ZYG11A: variants seen among roughly 807,000 people sequenced by gnomAD.
The protein encoded by ZYG11A is zyg-11 family member A, cell cycle regulator, also known as protein zyg-11 homolog A.
A neutral mutation model predicts 77.2 loss-of-function variants in ZYG11A; 62 were observed. The observed-to-expected ratio is 0.80, with a 90% CI of 0.65 to 0.99. The LOEUF (loss-of-function observed/expected upper bound fraction) is 0.99. ZYG11A is among the 50% of genes least tolerant of loss of function. The probability of loss-of-function intolerance (pLI) is 0.00; values close to 1 mark genes in which losing one functional copy is unlikely to be tolerated. For synonymous variants in ZYG11A, 315 were observed against 324.6 expected, an observed-to-expected ratio of 0.97 and a Z score of 0.32; for missense variants, 828 against 896.8, an observed-to-expected ratio of 0.92 and a Z score of 0.98.
In ZYG11A at chr1:52,881,646, G is replaced by T. The variant is rs151096222; in HGVS notation, c.1925G>T (p.Arg642Leu). ...TGGATATCCCGTGACTTCCAGAGGC[G>T]TACTCTTCTCCAAGATCTGGTACAG... ...QLWISRDFQR[R>L]TLLQDLHATI... The change falls in exon 11 of 14, where the codon CGT (arginine) becomes CTT (leucine). Residue 642 changes from arginine to leucine, a missense_variant. Physicochemically the swap from Arg to Leu is moderately radical, Grantham distance 102. Transcript: ENST00000371528. 124 of 1,551,010 alleles carry T rather than the reference G, an allele frequency of 8.0e-5. No homozygotes were observed. Among genetic ancestry groups the T allele is most frequent in the Non-Finnish European group, 1.0e-4 (119 of 1,146,636 alleles).
In ZYG11A at chr1:52,863,975, C is replaced by T. The variant is rs1258123483; in HGVS notation, c.1150-6C>T. ...TCATATGCACTAAAAACAAGTTCATCTTCAGCTTGTGGCTATAGGAATGAG... is the reference window on the plus strand; with the variant it reads ...TCATATGCACTAAAAACAAGTTCATTTTCAGCTTGTGGCTATAGGAATGAG... On this transcript the variant is annotated splice_region_variant and splice_polypyrimidine_tract_variant and intron_variant, in intron 4 of 13. Coordinates refer to ENST00000371528, the MANE Select transcript of ZYG11A (RefSeq NM_001004339.3). 6.5e-7 allele frequency: 1 copy of T among 1,546,458 alleles called. No homozygotes were observed. The highest frequency in any genetic ancestry group is 2.0e-5 in the Admixed American group (1 of 50,312).
intron 8 of ZYG11A, among the ~76,000 whole-genome samples, chr1:52,873,628 CTTA>C (rs1646208683): frequency 1.3e-5 from 2 of 152,300 alleles, no homozygotes; most frequent in South Asian, 2.1e-4. Flanking sequence ...AGGACTTTGA[CTTA>C]TTATATAAAC....
Position 52,856,999 on chromosome 1 carries a change from C to G in ZYG11A, c.258C>G (p.Gly86=), listed in dbSNP as rs1442712054. Residue 86 remains glycine, a splice_region_variant and synonymous_variant, in exon 3 of 14, where the codon GGC becomes GGG. Coordinates refer to ENST00000371528, the MANE Select transcript of ZYG11A (RefSeq NM_001004339.3). ...ERFLRVMTWQ[G]KLTDRTASIF... ...AAGTTGGTTCTGGTTCTTTCATAGG[C>G]AAGCTGACTGACAGAACAGCCAGCA... 6.5e-7 allele frequency: 1 copy of G among 1,530,810 alleles called. No homozygotes were observed. The highest frequency in any genetic ancestry group is 8.8e-7 in the Non-Finnish European group (1 of 1,134,634). 94.8% of individuals were successfully genotyped at this position (1,530,810 alleles called of 1,614,324 possible).
rs1300877581 is a variant in ZYG11A at position 52,854,566 on chromosome 1, T to TC, written c.194dup (p.Glu66GlyfsTer25). On this transcript the variant is annotated frameshift_variant, in exon 2 of 14. Coordinates refer to ENST00000371528, the MANE Select transcript of ZYG11A (RefSeq NM_001004339.3). LOFTEE classifies it high-confidence loss of function. ...AAAGACCTGATGGAACACTGTGCCT[T>TC]CCGGAGCATTGGAGTTTCCCTCAGG... 1 of 1,550,680 alleles carries TC rather than the reference T, an allele frequency of 6.4e-7. No homozygotes were observed. The highest frequency in any genetic ancestry group is 8.7e-7 in the Non-Finnish European group (1 of 1,146,238).
chr1:52,892,903 C>G lies in ZYG11A; in HGVS notation c.2226C>G (p.Phe742Leu), dbSNP rs1646570507. Reference protein sequence around the residue: ...QQIAASILDDFRMHFMNYQRP... With the variant: ...QQIAASILDDLRMHFMNYQRP... The stretch of plus-strand genomic sequence containing the variant: ...TTGCAGCCTCCATTCTGGATGACTT[C>G]AGAATGCATTTCATGAATTATCAGA... The change falls in exon 14 of 14, where the codon TTC becomes TTG. Residue 742 changes from phenylalanine (F) to leucine (L), a missense_variant. By Grantham distance (22) the Phe-to-Leu change is conservative (BLOSUM62 0). Coordinates refer to ENST00000371528, the MANE Select transcript of ZYG11A (RefSeq NM_001004339.3). The G allele has an allele frequency of 6.4e-7, 1 of 1,551,742 alleles. No homozygotes were observed.
chr1:52,873,992 A>T lies in ZYG11A; in HGVS notation c.1543-3690A>T, dbSNP rs141876945. On this transcript the variant is annotated intron_variant, in intron 8 of 13. Transcript: ENST00000371528. Reference sequence around the variant, plus strand: ...AGAGTGAAACTCCGTCTCAAAAAAAAAAATAAATAAATAAAATAAAAAGAG... The same window carrying T: ...AGAGTGAAACTCCGTCTCAAAAAAATAAATAAATAAATAAAATAAAAAGAG... Among the ~76,000 whole-genome samples, 1,477 of 152,032 alleles carry T rather than the reference A, an allele frequency of 9.7e-3. 22 individuals carry two copies. Among genetic ancestry groups the T allele is most frequent in the African/African-American group, 0.032 (1,326 of 41,512 alleles).
intron 11 of ZYG11A, among the ~76,000 whole-genome samples, chr1:52,882,761 A>G (rs547603106): frequency 6.6e-6 from 1 of 152,286 alleles, no homozygotes; most frequent in Admixed American, 6.5e-5. Flanking sequence ...ATTTTCTTTT[A>G]AGCTTTAAGG....
intron 1 of ZYG11A, among the ~76,000 whole-genome samples, chr1:52,843,597 T>G (rs1645497971): frequency 6.6e-6 from 1 of 152,208 alleles, no homozygotes; most frequent in Non-Finnish European, 1.5e-5. Flanking sequence ...GCCGAATGCC[T>G]GTTACTCTTA....
At chr1:52,872,523 A>T (rs1646185360) in intron 8 of ZYG11A, among the ~76,000 whole-genome samples, 1 of 152,086 alleles carries the variant, frequency 6.6e-6, no homozygotes, top group Non-Finnish European at 1.5e-5. Flanking sequence ...TCCATTCTGC[A>T]GCCCATAGAT....
At chr1:52,877,409 A>T (rs559783116) in intron 8 of ZYG11A, among the ~76,000 whole-genome samples, 1 of 152,328 alleles carries the variant, frequency 6.6e-6, no homozygotes, top group East Asian at 1.9e-4. Context: ...CTAAATAAAA[A>T]TAATGGAATA....
intron 1 of ZYG11A, among the ~76,000 whole-genome samples, chr1:52,849,751 C>T (rs1234184877): frequency 6.6e-6 from 1 of 151,046 alleles, no homozygotes; most frequent in African/African-American, 2.4e-5. Flanking sequence ...GGCGCGATCT[C>T]GGCTCACTGC....
At chr1:52,892,469 A>C (rs936819033) in intron 13 of ZYG11A, among the ~76,000 whole-genome samples, 1 of 151,756 alleles carries the variant, frequency 6.6e-6, no homozygotes, top group African/African-American at 2.4e-5. Flanking sequence ...TGGAGGTTGC[A>C]GTGAACCGAG....
At chr1:52,881,036 A>G (rs924763346) in intron 10 of ZYG11A, among the ~76,000 whole-genome samples, 9 of 152,196 alleles carry the variant, frequency 5.9e-5, no homozygotes, top group African/African-American at 9.7e-5. Flanking sequence ...CCTGACTTTC[A>G]TTGTTGTTGT....
At chr1:52,866,884 A>G (rs1646037042) in intron 6 of ZYG11A, among the ~76,000 whole-genome samples, 1 of 152,226 alleles carries the variant, frequency 6.6e-6, no homozygotes, top group Non-Finnish European at 1.5e-5. Context: ...TAGTGTCTGT[A>G]AAGTACTTAA....
At position 52,864,003 on chromosome 1, in the gene ZYG11A, A is replaced by C; in HGVS notation, c.1172A>C (p.Asn391Thr). 1 of 1,551,352 alleles carries C rather than the reference A, an allele frequency of 6.4e-7. No individual in the cohort carries two copies. Among genetic ancestry groups the C allele is most frequent in the Admixed American group, 2.0e-5 (1 of 50,892 alleles). ...ILKLVAIGMR[N>T]HPLDLRVQFT... is the part of the protein sequence containing the mutation. ...CAGCTTGTGGCTATAGGAATGAGGAATCACCCATTGGATTTGCGAGTGCAG... is the reference window on the plus strand; with the variant it reads ...CAGCTTGTGGCTATAGGAATGAGGACTCACCCATTGGATTTGCGAGTGCAG... Residue 391 changes from asparagine to threonine, a missense_variant, in exon 5 of 14, where the codon AAT becomes ACT. Coordinates refer to ENST00000371528, the MANE Select transcript of ZYG11A (RefSeq NM_001004339.3).
At chr1:52,884,218 C>T (rs548624121) in intron 11 of ZYG11A, among the ~76,000 whole-genome samples, 39 of 149,216 alleles carry the variant, frequency 2.6e-4, no homozygotes, top group African/African-American at 3.7e-4. Context: ...TGGGCGTGGC[C>T]GGGCACGGTG....
At chr1:52,855,527 C>T (rs1341411856) in intron 2 of ZYG11A, among the ~76,000 whole-genome samples, 4 of 152,136 alleles carry the variant, frequency 2.6e-5, no homozygotes, top group African/African-American at 9.7e-5. Context: ...TCCATCACCT[C>T]AGAAAGAAAC....
chr1:52,842,760 GCTAGC>G lies in ZYG11A; in HGVS notation c.-123_-119del. The G allele has an allele frequency of 1.1e-6, 1 of 929,050 alleles. No individual in the cohort carries two copies. 57.6% of individuals were successfully genotyped at this position (929,050 alleles called of 1,614,324 possible). A position where few individuals can be genotyped will look rare whatever the true frequency, so the allele number is the denominator to read the frequency against. ...CAAAAGCTCGCCGGCAGGGCGCGGC[GCTAGC>G]TCCGTGTGCCTCGCAGGCGTGGTGG... On this transcript the variant is annotated 5_prime_UTR_variant, in exon 1 of 14. Coordinates refer to ENST00000371528, the MANE Select transcript of ZYG11A (RefSeq NM_001004339.3).
Position 52,881,611 on chromosome 1 carries a change from C to CA in ZYG11A, c.1891dup (p.Arg631LysfsTer8). The CA allele has an allele frequency of 2.6e-6, 4 of 1,552,360 alleles. No homozygotes were observed. The highest frequency in any genetic ancestry group is 3.5e-6 in the Non-Finnish European group (4 of 1,147,128). ...GTATCATAGCCCACCTGACATCTGA[C>CA]AGACAGCTTTGGATATCCCGTGACT... On this transcript the variant is annotated frameshift_variant, in exon 11 of 14. Transcript: ENST00000371528. LOFTEE classifies it high-confidence loss of function.
Sources: gnomAD v4.1 joint callset for allele counts (sites outside exome capture counted in the v4.1 genomes callset) on GRCh38, gnomAD v4.1.1 for gene constraint, MANE v1.5 for transcripts, NCBI Gene and HGNC (gene_info 2026-07-23, HGNC 2026-07-21) for gene names.